SMARCA4: variants seen among roughly 807,000 people sequenced by gnomAD.
SMARCA4 encodes the protein SWI/SNF-related matrix-associated actin-dependent regulator of chromatin subfamily A member 4.
In SMARCA4, 31 loss-of-function variants were observed where a neutral mutation model predicts 193.9. That is an observed-to-expected ratio of 0.16 (90% CI 0.12 to 0.22). The LOEUF (loss-of-function observed/expected upper bound fraction) is 0.22, where lower values mean the gene tolerates loss of function less well. Among genes scored for constraint, SMARCA4 ranks in the 10% least tolerant of loss-of-function variants. The pLI is 1.00. For missense variants in SMARCA4, 1,148 were observed against 2,296.0 expected (o/e 0.50, Z 10.22); for synonymous variants, 942 against 933.1 (o/e 1.01, Z -0.17).
At chr19:10,972,194 A>C (rs975548011) in intron 1 of SMARCA4, among the ~76,000 whole-genome samples, 1 of 151,954 alleles carries the variant, frequency 6.6e-6, no homozygotes, top group Non-Finnish European at 1.5e-5. Context: ...CCTGACCTCA[A>C]GTTATCCACT....
intron 34 of SMARCA4, 58 bp from the exon 35 acceptor site, chr19:11,061,726 G>C (rs1272585555): frequency 9.1e-6 from 14 of 1,545,180 alleles, no homozygotes; most frequent in Non-Finnish European, 8.9e-6. Flanking sequence ...CAGGTCCCTG[G>C]CAAGGTGCCC....
In SMARCA4 at chr19:11,041,398, C is replaced by T. The variant is rs150958750; in HGVS notation, c.4262C>T (p.Ser1421Phe). The T allele has an allele frequency of 5.6e-6, 9 of 1,612,396 alleles. No homozygotes were observed. The highest frequency in any genetic ancestry group is 7.6e-6 in the Non-Finnish European group (9 of 1,179,952). Reference sequence around the variant, plus strand: ...CGCAAGCGAGACAGCGACGCCGGCTCCTCCACCCCGACCACCAGCACCCGC... The same window carrying T: ...CGCAAGCGAGACAGCGACGCCGGCTTCTCCACCCCGACCACCAGCACCCGC... The part of the protein sequence containing the change: ...RKRKRDSDAG[S>F]STPTTSTRSR... The change falls in exon 30 of 35, where the codon TCC becomes TTC. Residue 1421 changes from serine (S) to phenylalanine (F), a missense_variant. By Grantham distance (155) the Ser-to-Phe change is radical. Around this residue, in one of 17 missense-constraint regions of SMARCA4, gnomAD observed 141 missense variants for 193.0 expected, o/e 0.73. Coordinates refer to ENST00000344626, the MANE Select transcript of SMARCA4 (RefSeq NM_003072.5). The surrounding 1 kb of genome is among the most constrained non-coding windows in gnomAD (Gnocchi z 5.6).
At chr19:10,967,353 C>G (rs565694177) in intron 1 of SMARCA4, among the ~76,000 whole-genome samples, 35 of 151,820 alleles carry the variant, frequency 2.3e-4, no homozygotes, top group Non-Finnish European at 4.4e-4. Context: ...CTCTGTCGCC[C>G]AGGCTGGAGT....
intron 1 of SMARCA4, among the ~76,000 whole-genome samples, chr19:10,963,453 AAC>A (rs1189321024): frequency 6.6e-6 from 1 of 151,532 alleles, no homozygotes; most frequent in Non-Finnish European, 1.5e-5. Flanking sequence ...TAGTTGTTTG[AAC>A]AGTTTTTGCA....
Position 11,023,436 on chromosome 19 carries a change from C to G in SMARCA4, c.2860-82C>G, listed in dbSNP as rs1180938764. Reference sequence around the variant, plus strand: ...CCCAGGGGACCCCGTCCACCCTGTCCCCACATCCGCACCTTCTAGTGAGAC... The same window carrying G: ...CCCAGGGGACCCCGTCCACCCTGTCGCCACATCCGCACCTTCTAGTGAGAC... On this transcript the variant is annotated intron_variant, in intron 19 of 34. Transcript: ENST00000344626. The G allele has an allele frequency of 3.3e-6, 3 of 898,204 alleles. No individual in the cohort carries two copies. The Admixed American group carries it at 5.9e-5, about 18-fold the overall frequency. 55.6% of individuals were successfully genotyped at this position (898,204 alleles called of 1,614,324 possible).
intron 29 of SMARCA4, chr19:11,039,707 A>G: frequency 2.4e-6 from 1 of 410,122 alleles, no homozygotes; most frequent in East Asian, 3.7e-5. Context: ...CCAGCTACTC[A>G]GGAGGCTAAG....
intron 24 of SMARCA4, among the ~76,000 whole-genome samples, chr19:11,029,638 G>C (rs1054379595): frequency 4.6e-5 from 7 of 152,246 alleles, no homozygotes; most frequent in African/African-American, 1.4e-4. Flanking sequence ...CCGTGCCTGG[G>C]CATGTGTAGG....
chr19:10,991,927 A>T (rs545327970), intron 8 of SMARCA4, among the ~76,000 whole-genome samples: 209 of 152,274 alleles, frequency 1.4e-3, no homozygotes, highest in African/African-American at 4.6e-3. Context: ...GCAGGGACTG[A>T]TCTGACTCAG....
chr19:11,061,919 G>A lies in SMARCA4; in HGVS notation c.*103G>A. The A allele has an allele frequency of 9.3e-7, 1 of 1,075,276 alleles. No homozygotes were observed. Among genetic ancestry groups the A allele is most frequent in the East Asian group, 2.4e-5 (1 of 42,324 alleles). The allele number at this position is 1,075,276 out of a possible 1,614,324, so 66.6% of individuals were successfully genotyped here. ...CAGCAGATGTAGTTTCAGACTTGGA[G>A]TAAAACTGTATAAACAAAAGAATCT... On this transcript the variant is annotated 3_prime_UTR_variant, in exon 35 of 35. Transcript: ENST00000344626.
At chr19:11,032,974 T>TC in intron 25 of SMARCA4, 1 of 448,682 alleles carries the variant, frequency 2.2e-6, no homozygotes, top group Non-Finnish European at 4.2e-6. Flanking sequence ...TGGGGAGCTG[T>TC]GCCGCTGCCA....
rs1568422604 is a variant in SMARCA4 at position 10,986,417 on chromosome 19, C to A, written c.584C>A (p.Pro195His). 1 of 1,578,820 alleles carries A rather than the reference C, an allele frequency of 6.3e-7. No homozygotes were observed. Among genetic ancestry groups the A allele is most frequent in the Non-Finnish European group, 8.6e-7 (1 of 1,162,960 alleles). ...TACAAGATGCTGGCCAGGGGGCAGCCCCTCCCCGACCACCTGCAGATGGCG... is the reference window on the plus strand; with the variant it reads ...TACAAGATGCTGGCCAGGGGGCAGCACCTCCCCGACCACCTGCAGATGGCG... ...MAYKMLARGQPLPDHLQMAVQ... is the reference protein window; with the variant it reads ...MAYKMLARGQHLPDHLQMAVQ... Residue 195 changes from proline (P) to histidine (H), a missense_variant, in exon 4 of 35, where the codon CCC becomes CAC. Coordinates refer to ENST00000344626, the MANE Select transcript of SMARCA4 (RefSeq NM_003072.5). The surrounding 1 kb of genome is among the most constrained non-coding windows in gnomAD (Gnocchi z 6.7).
At position 10,961,189 on chromosome 19, in the gene SMARCA4, C is replaced by CCGCGGGGGCAGCGCGG. The variant is rs2083761625; in HGVS notation, c.-32+23_-32+38dup. The CCGCGGGGGCAGCGCGG allele has an allele frequency of 6.8e-6, 1 of 147,528 alleles. No individual in the cohort carries two copies. Among genetic ancestry groups the CCGCGGGGGCAGCGCGG allele is most frequent in the Non-Finnish European group, 1.5e-5 (1 of 66,256 alleles). The allele number at this position is 147,528 out of a possible 1,614,324, so 9.1% of individuals were successfully genotyped here. A position where few individuals can be genotyped will look rare whatever the true frequency, so the allele number is the denominator to read the frequency against. ...GGCGGCTCCTGGTAAGGAACGCGGG[C>CCGCGGGGGCAGCGCGG]CGCGGGGGCAGCGCGGCGCGGGGCC... On this transcript the variant is annotated intron_variant, in intron 1 of 34. Transcript: ENST00000344626.
rs1198342891 is a variant in SMARCA4 at position 11,031,414 on chromosome 19, CTG to C, written c.3546+525_3546+526del. ...ATTTGAAAATGAGTTAAACTTTTCTCTGTGTTTCATTATAAGACTGATAAGTT... is the reference window on the plus strand; with the variant it reads ...ATTTGAAAATGAGTTAAACTTTTCTCTGTTTCATTATAAGACTGATAAGTT... On this transcript the variant is annotated intron_variant, in intron 25 of 34. Transcript: ENST00000344626. The surrounding 1 kb of genome is among the most constrained non-coding windows in gnomAD (Gnocchi z 4.3). The C allele has an allele frequency of 5.4e-6, 1 of 184,578 alleles. No homozygotes were observed. Among genetic ancestry groups the C allele is most frequent in the Non-Finnish European group, 1.2e-5 (1 of 86,028 alleles). 11.4% of individuals were successfully genotyped at this position (184,578 alleles called of 1,614,324 possible).
chr19:10,963,186 A>C lies in SMARCA4; in HGVS notation c.-32+2012A>C, dbSNP rs1437980271. 2.0e-5 allele frequency among the ~76,000 whole-genome samples: 3 copies of C among 152,038 alleles called. No individual in the cohort carries two copies. The East Asian group carries it at 5.8e-4, about 30-fold the overall frequency. ...CCGGGAGTTTGAGACTAACCTGGGC[A>C]ACATAGTGAGACCTCATCTCTACAA... On this transcript the variant is annotated intron_variant, in intron 1 of 34. Coordinates refer to ENST00000344626, the MANE Select transcript of SMARCA4 (RefSeq NM_003072.5).
At chr19:11,039,537 GCA>G in intron 29 of SMARCA4, 1 of 1,599,692 alleles carries the variant, frequency 6.3e-7, no homozygotes, top group Non-Finnish European at 8.5e-7. Flanking sequence ...CTTCAGTTCT[GCA>G]CACGTGCGTC....
chr19:10,995,936 G>A (rs1269793433), intron 9 of SMARCA4: 1 of 510,804 alleles, frequency 2.0e-6, no homozygotes, highest in Admixed American at 2.8e-5. Flanking sequence ...GGTTTGGGGT[G>A]TATTTCGTGG....
rs994440022 is a variant in SMARCA4 at position 11,008,064 on chromosome 19, G to A, written c.2123+41G>A. ...ACAGGTTGTTCTGTGCCAGCTTCCTGTGAGGTGGCGCTGGTGGGAGTGGCT... is the reference window on the plus strand; with the variant it reads ...ACAGGTTGTTCTGTGCCAGCTTCCTATGAGGTGGCGCTGGTGGGAGTGGCT... On this transcript the variant is annotated intron_variant, in intron 14 of 34. Coordinates refer to ENST00000344626, the MANE Select transcript of SMARCA4 (RefSeq NM_003072.5). 15 of 1,601,154 alleles carry A rather than the reference G, an allele frequency of 9.4e-6. No homozygotes were observed. In the Admixed American group the frequency reaches 1.0e-4, roughly 11 times the overall value.
Position 10,962,436 on chromosome 19 carries a change from G to T in SMARCA4, c.-32+1262G>T, listed in dbSNP as rs113898709. 1.3e-3 allele frequency among the ~76,000 whole-genome samples: 194 copies of T among 152,208 alleles called. 1 individual carries two copies. The highest frequency in any genetic ancestry group is 6.8e-3 in the Middle Eastern group (2 of 294). ...CTCTTGGCCTATCGTTTATTGCTCTGAACCTGCACTGTGAGAGGGACACAG... is the reference window on the plus strand; with the variant it reads ...CTCTTGGCCTATCGTTTATTGCTCTTAACCTGCACTGTGAGAGGGACACAG... On this transcript the variant is annotated intron_variant, in intron 1 of 34. Coordinates refer to ENST00000344626, the MANE Select transcript of SMARCA4 (RefSeq NM_003072.5).
chr19:11,058,382 C>A lies in SMARCA4; in HGVS notation c.4533+19C>A, dbSNP rs1220366915. The A allele has an allele frequency of 6.6e-7, 1 of 1,520,596 alleles. No individual in the cohort carries two copies. The highest frequency in any genetic ancestry group is 9.1e-7 in the Non-Finnish European group (1 of 1,095,472). The allele number at this position is 1,520,596 out of a possible 1,614,324, so 94.2% of individuals were successfully genotyped here. ...GATAAAGGTAACCCTGACGTTGTAC[C>A]TGCGCCCCGCATGTGCCCGGAGGGG... is the stretch of plus-strand genomic sequence containing the variant. On this transcript the variant is annotated intron_variant, in intron 31 of 34. Coordinates refer to ENST00000344626, the MANE Select transcript of SMARCA4 (RefSeq NM_003072.5). This position sits in a 1 kb window ranked among gnomAD's most constrained non-coding sequence, Gnocchi z 5.8.
Sources: allele counts gnomAD v4.1 joint callset (sites outside exome capture counted in the v4.1 genomes callset), GRCh38; gene constraint gnomAD v4.1.1; regional missense constraint gnomAD v4.1.1; non-coding constraint Gnocchi (gnomAD v3.1); transcripts MANE v1.5; gene names NCBI Gene and HGNC (gene_info 2026-07-23, HGNC 2026-07-21).